Variants in CABP1 observed in about 807,000 individuals in gnomAD.
CABP1 encodes calcium-binding protein 1.
A neutral mutation model predicts 34.3 loss-of-function variants in CABP1; 17 were observed. That is an observed-to-expected ratio of 0.50 (90% confidence interval 0.34 to 0.74). CABP1 has a LOEUF of 0.74. Ranked by LOEUF, CABP1 falls within the 30% of genes least tolerant of loss-of-function variation. The pLI is 0.01. For synonymous variants in CABP1, 198 were observed against 229.2 expected (o/e 0.86, Z 1.23); for missense variants, 373 against 511.1 (o/e 0.73, Z 2.61).
chr12:120,642,144 T>G (rs1879361013), intron 1 of CABP1, among the ~76,000 whole-genome samples: 1 of 152,078 alleles, frequency 6.6e-6, no homozygotes, highest in Non-Finnish European at 1.5e-5. Flanking sequence ...GAAGGAAACC[T>G]CTGAACTCCT....
the CABP1 span, among the ~76,000 whole-genome samples, chr12:120,680,689 C>T: frequency 6.6e-6 from 1 of 152,182 alleles, no homozygotes; most frequent in African/African-American, 2.4e-5. Context: ...TCTGCATGGT[C>T]TATCCTGAGA....
At chr12:120,668,625 A>G (rs1262603730), downstream of CABP1, among the ~76,000 whole-genome samples, 1 of 152,250 alleles carries the variant, frequency 6.6e-6, no homozygotes, top group Non-Finnish European at 1.5e-5. Flanking sequence ...GGATGGGGTC[A>G]GTGCATAGCA....
chr12:120,647,543 G>A lies in CABP1; in HGVS notation c.654+6204G>A, dbSNP rs146653529. 4.1e-3 allele frequency among the ~76,000 whole-genome samples: 578 copies of A among 142,312 alleles called. 9 individuals carry two copies. The highest frequency in any genetic ancestry group is 0.015 in the African/African-American group (563 of 37,910). 93.4% of individuals were successfully genotyped at this position (142,312 alleles called of 152,430 possible). A position where few individuals can be genotyped will look rare whatever the true frequency, so the allele number is the denominator to read the frequency against. Reference sequence around the variant, plus strand: ...ATATGATTTGAATCCAAGTCAGCGTGACTCCTCAGTCCAAGCCTTTTTTTT... The same window carrying A: ...ATATGATTTGAATCCAAGTCAGCGTAACTCCTCAGTCCAAGCCTTTTTTTT... On this transcript the variant is annotated intron_variant, in intron 1 of 5. Transcript: ENST00000316803.
At chr12:120,654,833 G>T (rs538617550) in intron 1 of CABP1, among the ~76,000 whole-genome samples, 1 of 152,216 alleles carries the variant, frequency 6.6e-6, no homozygotes, top group Non-Finnish European at 1.5e-5. Context: ...TTTTATAGCC[G>T]CATGGGAACC....
At chr12:120,662,748 G>T (rs1470186453) in intron 5 of CABP1, among the ~76,000 whole-genome samples, 2 of 145,056 alleles carry the variant, frequency 1.4e-5, no homozygotes, top group Admixed American at 1.4e-4. Flanking sequence ...GCAATGGCAC[G>T]ATCTCAGCTC....
At chr12:120,654,474 C>A (rs1011308866) in intron 1 of CABP1, among the ~76,000 whole-genome samples, 3 of 152,178 alleles carry the variant, frequency 2.0e-5, no homozygotes, top group African/African-American at 7.2e-5. Flanking sequence ...CTTCTTTGCC[C>A]TGGAGGAATC....
At chr12:120,674,171 G>A in the CABP1 span, among the ~76,000 whole-genome samples, 12 of 152,230 alleles carry the variant, frequency 7.9e-5, no homozygotes, top group Non-Finnish European at 1.5e-4. Flanking sequence ...ATGATGGAAC[G>A]AGGCCATATC....
chr12:120,648,329 C>T (rs1308758677), intron 1 of CABP1, among the ~76,000 whole-genome samples: 2 of 152,144 alleles, frequency 1.3e-5, no homozygotes, highest in East Asian at 1.9e-4. Context: ...CTCCTGCCCA[C>T]CTGCTAGAAT....
rs1402919150 is a variant in CABP1 at position 120,661,475 on chromosome 12, TCTAC to T, written c.1087+261_1087+264del. The T allele has an allele frequency of 9.0e-6, 4 of 446,488 alleles. No homozygotes were observed. The highest frequency in any genetic ancestry group is 7.9e-5 in the African/African-American group (4 of 50,448). 27.7% of individuals were successfully genotyped at this position (446,488 alleles called of 1,614,324 possible). ...ATCTGTCCATTTATCCATCCATTCA[TCTAC>T]CTATCTATCCATCTGTCCACCATCC... On this transcript the variant is annotated intron_variant, in intron 5 of 5. Coordinates refer to ENST00000316803, the MANE Select transcript of CABP1 (RefSeq NM_001033677.2). The surrounding 1 kb of genome is among the most constrained non-coding windows in gnomAD (Gnocchi z 5.1).
At chr12:120,669,573 G>A (rs147812306), downstream of CABP1, among the ~76,000 whole-genome samples, 287 of 152,290 alleles carry the variant, frequency 1.9e-3, 2 homozygotes, top group African/African-American at 6.7e-3. Context: ...GGCCAACATG[G>A]TGAAACCCCG....
At chr12:120,646,892 A>C (rs920816377) in intron 1 of CABP1, among the ~76,000 whole-genome samples, 11 of 152,324 alleles carry the variant, frequency 7.2e-5, no homozygotes, top group African/African-American at 2.6e-4. Context: ...AGTTAGCTTA[A>C]GTAAGCTTTA....
At chr12:120,659,770 G>A (rs7302002) in intron 1 of CABP1, 108 bp from the exon 2 acceptor site, 16 of 969,340 alleles carry the variant, frequency 1.7e-5, no homozygotes, top group East Asian at 2.4e-5. Context: ...CTGCATCCTC[G>A]TCACCTCCTA....
Position 120,667,188 on chromosome 12 carries a change from G to C in CABP1, c.*288G>C. 3.6e-6 allele frequency: 2 copies of C among 550,798 alleles called. No individual in the cohort carries two copies. The allele number at this position is 550,798 out of a possible 1,614,324, so 34.1% of individuals were successfully genotyped here. On this transcript the variant is annotated 3_prime_UTR_variant, in exon 6 of 6. Coordinates refer to ENST00000316803, the MANE Select transcript of CABP1 (RefSeq NM_001033677.2). The stretch of plus-strand genomic sequence containing the variant: ...CATGTGCCCAGCTGCTGCTGGCTGG[G>C]TGGGCCAGGGAGCCCGCCAGCAGAC...
At position 120,650,408 on chromosome 12, in the gene CABP1, C is replaced by T. The variant is rs972552152; in HGVS notation, c.654+9069C>T. On this transcript the variant is annotated intron_variant, in intron 1 of 5. Coordinates refer to ENST00000316803, the MANE Select transcript of CABP1 (RefSeq NM_001033677.2). Reference sequence around the variant, plus strand: ...GAAAGTGCCCAGAAAGTTAAACCCACACACAAACACACACACAATCCACCC... The same window carrying T: ...GAAAGTGCCCAGAAAGTTAAACCCATACACAAACACACACACAATCCACCC... 2.8e-5 allele frequency: 35 copies of T among 1,244,098 alleles called. No individual in the cohort carries two copies. In the Admixed American group the frequency reaches 1.1e-3, roughly 37 times the overall value. The allele number at this position is 1,244,098 out of a possible 1,614,324, so 77.1% of individuals were successfully genotyped here.
chr12:120,658,510 C>T (rs568863562), intron 1 of CABP1, among the ~76,000 whole-genome samples: 2 of 152,286 alleles, frequency 1.3e-5, no homozygotes, highest in East Asian at 3.9e-4. Flanking sequence ...CTGCTCCCTC[C>T]AAGCTCACAC....
chr12:120,676,266 T>C, the CABP1 span, among the ~76,000 whole-genome samples: 1 of 152,184 alleles, frequency 6.6e-6, no homozygotes, highest in Non-Finnish European at 1.5e-5. Context: ...ATAGACTACC[T>C]TCCCATCATG....
At chr12:120,671,342 G>T (rs565459881), downstream of CABP1, among the ~76,000 whole-genome samples, 1 of 152,334 alleles carries the variant, frequency 6.6e-6, no homozygotes, top group South Asian at 2.1e-4. Context: ...AGGCTGCAGT[G>T]AGCCGAGATT....
chr12:120,664,653 C>T (rs1880853530), intron 5 of CABP1, among the ~76,000 whole-genome samples: 1 of 152,124 alleles, frequency 6.6e-6, no homozygotes, highest in Admixed American at 6.6e-5. Context: ...GTGGGCAGAT[C>T]ACTTGATGTC....
At chr12:120,676,581 C>T in the CABP1 span, among the ~76,000 whole-genome samples, 6 of 152,078 alleles carry the variant, frequency 3.9e-5, no homozygotes, top group South Asian at 2.1e-4. Context: ...GCATGCGCCA[C>T]CACACCCGGC....
Sources: gnomAD v4.1 joint callset for allele counts (sites outside exome capture counted in the v4.1 genomes callset) on GRCh38, gnomAD v4.1.1 for gene constraint, Gnocchi (gnomAD v3.1) non-coding constraint, MANE v1.5 for transcripts, NCBI Gene and HGNC (gene_info 2026-07-23, HGNC 2026-07-21) for gene names.